The following VTI1A variants were observed in gnomAD, a reference collection of about 807,000 sequenced individuals.
VTI1A encodes the protein vesicle transport through interaction with t-SNAREs homolog 1A.
Under a neutral mutation model 34.9 loss-of-function variants are expected in VTI1A, and 22 were observed. The ratio of observed to expected loss-of-function variants is 0.63; its 90% CI spans 0.45 to 0.90. The LOEUF is 0.90. Ranked by LOEUF, VTI1A falls within the 40% of genes least tolerant of loss-of-function variation. VTI1A has a pLI of 0.00. For missense variants in VTI1A, 268 were observed against 275.6 expected (o/e 0.97, Z 0.20); for synonymous variants, 87 against 97.3 (o/e 0.89, Z 0.62).
At chr10:112,692,405 C>T (rs910620434) in intron 7 of VTI1A, among the ~76,000 whole-genome samples, 2 of 152,210 alleles carry the variant, frequency 1.3e-5, no homozygotes, top group African/African-American at 4.8e-5. Context: ...CCTCCCTGCA[C>T]CTTCATGGAA....
chr10:112,742,303 C>T (rs1190684848), intron 7 of VTI1A, among the ~76,000 whole-genome samples: 1 of 152,158 alleles, frequency 6.6e-6, no homozygotes, highest in African/African-American at 2.4e-5. Context: ...AAATGAATTG[C>T]TTTTTCAACT....
intron 5 of VTI1A, among the ~76,000 whole-genome samples, chr10:112,658,090 T>G (rs1412473917): frequency 6.6e-6 from 1 of 151,956 alleles, no homozygotes; most frequent in Non-Finnish European, 1.5e-5. Context: ...ATTACTTTAT[T>G]TATTTATTTT....
At chr10:112,462,692 T>G (rs1404708175) in intron 2 of VTI1A, among the ~76,000 whole-genome samples, 1 of 152,144 alleles carries the variant, frequency 6.6e-6, no homozygotes, top group African/African-American at 2.4e-5. Flanking sequence ...TTGAAGCCTA[T>G]TAATTGAAAG....
Position 112,518,814 on chromosome 10 carries a change from C to CT in VTI1A, c.265-8272dup, listed in dbSNP as rs1185156115. Among the ~76,000 whole-genome samples the CT allele has an allele frequency of 4.0e-5, 6 of 151,740 alleles. No homozygotes were observed. In the East Asian group the frequency reaches 9.7e-4, roughly 25 times the overall value. The stretch of plus-strand genomic sequence containing the variant: ...ACATTTAATTGATGAAGCGAAACAT[C>CT]TGAGTAGGCAAGATTTTATTTTATT... On this transcript the variant is annotated intron_variant, in intron 3 of 7. Coordinates refer to ENST00000393077, the MANE Select transcript of VTI1A (RefSeq NM_145206.4).
At chr10:112,507,755 C>T (rs1223088579) in intron 3 of VTI1A, among the ~76,000 whole-genome samples, 1 of 152,156 alleles carries the variant, frequency 6.6e-6, no homozygotes, top group Non-Finnish European at 1.5e-5. Flanking sequence ...AAAGCATTGG[C>T]TGGTTGACCC....
chr10:112,727,573 T>A (rs140566292), intron 7 of VTI1A, among the ~76,000 whole-genome samples: 3 of 152,316 alleles, frequency 2.0e-5, no homozygotes, highest in African/African-American at 7.2e-5. Context: ...AAAGAGCTGG[T>A]CCTCACTGTG....
intron 7 of VTI1A, among the ~76,000 whole-genome samples, chr10:112,699,996 G>A (rs1302665886): frequency 2.0e-5 from 3 of 150,356 alleles, no homozygotes; most frequent in Non-Finnish European, 4.4e-5. Context: ...GCGGGCACCT[G>A]TAATCCCAGC....
rs1853591238 is a variant in VTI1A at position 112,818,642 on chromosome 10, G to A, written c.*3259G>A. 1.8e-5 allele frequency: 4 copies of A among 218,730 alleles called. No individual in the cohort carries two copies. Among genetic ancestry groups the A allele is most frequent in the Admixed American group, 5.8e-5 (1 of 17,234 alleles). The allele number at this position is 218,730 out of a possible 1,614,324, so 13.5% of individuals were successfully genotyped here. A position where few individuals can be genotyped will look rare whatever the true frequency, so the allele number is the denominator to read the frequency against. On this transcript the variant is annotated 3_prime_UTR_variant, in exon 8 of 8. Coordinates refer to ENST00000393077, the MANE Select transcript of VTI1A (RefSeq NM_145206.4). ...CTTGACAAGGAAATAATTGCGCATT[G>A]CCAGCAACTTGGCGCCTGTTTAGAC...
At chr10:112,752,789 C>T (rs1332302262) in intron 7 of VTI1A, among the ~76,000 whole-genome samples, 1 of 152,156 alleles carries the variant, frequency 6.6e-6, no homozygotes, top group Admixed American at 6.5e-5. Context: ...TATTTACTAC[C>T]TTAAAATTCA....
intron 5 of VTI1A, among the ~76,000 whole-genome samples, chr10:112,659,725 A>G (rs11196039): frequency 0.035 from 5,296 of 152,268 alleles, 186 homozygotes; most frequent in East Asian, 0.1. Flanking sequence ...ACACACACAC[A>G]CGCGCACGCG....
intron 5 of VTI1A, among the ~76,000 whole-genome samples, chr10:112,596,429 T>G (rs1440835838): frequency 6.6e-6 from 1 of 152,188 alleles, no homozygotes; most frequent in Non-Finnish European, 1.5e-5. Context: ...GAGTATACCA[T>G]AAACTTATTT....
chr10:112,694,333 C>G (rs1239363616), intron 7 of VTI1A, among the ~76,000 whole-genome samples: 5 of 151,998 alleles, frequency 3.3e-5, no homozygotes, highest in Non-Finnish European at 5.9e-5. Context: ...TTGCTAGTTC[C>G]TGGAACAGAA....
intron 5 of VTI1A, among the ~76,000 whole-genome samples, chr10:112,630,190 A>G (rs1251239294): frequency 3.3e-5 from 5 of 152,222 alleles, no homozygotes; most frequent in South Asian, 2.1e-4. Flanking sequence ...ATGCATATGC[A>G]TAATATATTC....
At chr10:112,499,337 G>A (rs1364724216) in intron 3 of VTI1A, among the ~76,000 whole-genome samples, 2 of 151,738 alleles carry the variant, frequency 1.3e-5, no homozygotes, top group East Asian at 3.9e-4. Context: ...ATACTCTCTT[G>A]GTCTCTCCCT....
chr10:112,773,376 C>A (rs1443534248), intron 7 of VTI1A, among the ~76,000 whole-genome samples: 1 of 152,184 alleles, frequency 6.6e-6, no homozygotes, highest in Non-Finnish European at 1.5e-5. Context: ...CCAACTGTAC[C>A]ATCGATTACA....
At chr10:112,760,174 C>T (rs183563037) in intron 7 of VTI1A, among the ~76,000 whole-genome samples, 178 of 152,286 alleles carry the variant, frequency 1.2e-3, no homozygotes, top group African/African-American at 4.0e-3. Context: ...AAGGGGGATA[C>T]GTTCCAAGAC....
intron 7 of VTI1A, among the ~76,000 whole-genome samples, chr10:112,704,403 AAT>A (rs1242694592): frequency 1.3e-5 from 2 of 152,190 alleles, no homozygotes; most frequent in Non-Finnish European, 2.9e-5. Context: ...CCACAGGGAC[AAT>A]ATGTTATTTT....
intron 7 of VTI1A, among the ~76,000 whole-genome samples, 186 bp from the exon 8 acceptor site, chr10:112,815,104 G>C (rs1285706395): frequency 6.6e-6 from 1 of 150,802 alleles, no homozygotes; most frequent in East Asian, 1.9e-4. Flanking sequence ...ATCGTTTGTA[G>C]AACCAGAAAG....
chr10:112,501,466 C>T (rs532955811), intron 3 of VTI1A, among the ~76,000 whole-genome samples: 2 of 151,538 alleles, frequency 1.3e-5, no homozygotes, highest in South Asian at 4.2e-4. Context: ...AAGATATTTA[C>T]AAAAAAATGA....
Sources: gnomAD v4.1 joint callset for allele counts (sites outside exome capture counted in the v4.1 genomes callset) on GRCh38, gnomAD v4.1.1 for gene constraint, MANE v1.5 for transcripts, NCBI Gene and HGNC (gene_info 2026-07-23, HGNC 2026-07-21) for gene names.